Variants in LINGO2 observed in about 807,000 individuals in gnomAD.
LINGO2 encodes leucine-rich repeat and immunoglobulin-like domain-containing nogo receptor-interacting protein 2.
LINGO2 carries 14 observed loss-of-function variants against 30.6 expected under a neutral mutation model. That is an observed-to-expected ratio of 0.46 (90% CI 0.30 to 0.72). The LOEUF (loss-of-function observed/expected upper bound fraction) is 0.72, where lower values mean the gene tolerates loss of function less well. LINGO2 is among the 30% of genes least tolerant of loss of function. The pLI, the probability that LINGO2 is intolerant of heterozygous loss-of-function variation, is 0.07. For synonymous variants in LINGO2, 317 were observed against 288.5 expected, an observed-to-expected ratio of 1.10 and a Z score of -1.00; for missense variants, 729 against 751.7, an observed-to-expected ratio of 0.97 and a Z score of 0.35.
chr9:28,093,804 C>A (rs982304853), intron 4 of LINGO2, among the ~76,000 whole-genome samples: 2 of 151,990 alleles, frequency 1.3e-5, no homozygotes, highest in African/African-American at 4.8e-5. Flanking sequence ...TAACCACACT[C>A]CGGGAAGACC....
At chr9:28,032,981 T>G (rs138132166) in intron 4 of LINGO2, among the ~76,000 whole-genome samples, 21 of 152,350 alleles carry the variant, frequency 1.4e-4, no homozygotes, top group Non-Finnish European at 2.5e-4. Flanking sequence ...TCTGATAATT[T>G]ATCCATATGA....
At chr9:29,157,306 T>TACACATATAAACATATAAA in the LINGO2 span, among the ~76,000 whole-genome samples, 1 of 152,164 alleles carries the variant, frequency 6.6e-6, no homozygotes, top group South Asian at 2.1e-4. Context: ...TACGGTGTTC[T>TACACATATAAACATATAAA]ACACATATAA....
At chr9:29,068,470 A>C in the LINGO2 span, among the ~76,000 whole-genome samples, 1 of 151,968 alleles carries the variant, frequency 6.6e-6, no homozygotes, top group African/African-American at 2.4e-5. Flanking sequence ...ATTGGTACAG[A>C]AAGCTTTCAA....
At chr9:29,157,493 C>G in the LINGO2 span, among the ~76,000 whole-genome samples, 1 of 152,090 alleles carries the variant, frequency 6.6e-6, no homozygotes, top group East Asian at 1.9e-4. Flanking sequence ...CAAGAGTAAA[C>G]TGAAGACAGA....
At chr9:28,609,117 C>T (rs1170503582) in intron 1 of LINGO2, among the ~76,000 whole-genome samples, 1 of 146,854 alleles carries the variant, frequency 6.8e-6, no homozygotes, top group African/African-American at 2.5e-5. Flanking sequence ...CATCTAAAGA[C>T]AATATTTGAA....
At chr9:28,221,070 C>T (rs1043339489) in intron 4 of LINGO2, among the ~76,000 whole-genome samples, 4 of 151,998 alleles carry the variant, frequency 2.6e-5, no homozygotes, top group African/African-American at 7.2e-5. Flanking sequence ...GAGGCTGAGG[C>T]GGGTGGATCA....
intron 4 of LINGO2, among the ~76,000 whole-genome samples, chr9:28,265,267 G>A (rs911235270): frequency 1.3e-5 from 2 of 151,718 alleles, no homozygotes; most frequent in Non-Finnish European, 2.9e-5. Flanking sequence ...AGGATAAAAA[G>A]GCACATCACT....
chr9:29,159,977 A>G, the LINGO2 span, among the ~76,000 whole-genome samples: 4 of 152,200 alleles, frequency 2.6e-5, no homozygotes, highest in Non-Finnish European at 2.9e-5. Context: ...TGTTTCACTT[A>G]CAATTGTTTA....
chr9:29,102,700 T>C, the LINGO2 span, among the ~76,000 whole-genome samples: 1 of 152,198 alleles, frequency 6.6e-6, no homozygotes, highest in Admixed American at 6.5e-5. Flanking sequence ...AACATCACTT[T>C]ATAGTATTTG....
In LINGO2 at chr9:28,085,597, G is replaced by C. The variant is rs1891849; in HGVS notation, c.-86-73192C>G. Among the ~76,000 whole-genome samples the C allele has an allele frequency of 6.3e-3, 952 of 152,202 alleles. 7 individuals carry two copies. Among genetic ancestry groups the C allele is most frequent in the African/African-American group, 0.018 (756 of 41,538 alleles). On this transcript the variant is annotated intron_variant, in intron 4 of 5. Coordinates refer to ENST00000379992, the Ensembl canonical transcript of LINGO2. ...AATGGACTGCCTTATTGGAACCACT[G>C]CTGGCCATTCTCAGACCTCACTGGA... is the stretch of plus-strand genomic sequence containing the variant.
At chr9:28,884,819 T>C in the LINGO2 span, among the ~76,000 whole-genome samples, 1 of 143,114 alleles carries the variant, frequency 7.0e-6, no homozygotes, top group Non-Finnish European at 1.5e-5. Context: ...AGTATATATA[T>C]ATATTTCTTT....
At chr9:28,889,243 T>C in the LINGO2 span, among the ~76,000 whole-genome samples, 2 of 152,126 alleles carry the variant, frequency 1.3e-5, no homozygotes, top group Non-Finnish European at 2.9e-5. Context: ...TTAGTCCAGT[T>C]CACTTTCAAT....
intron 4 of LINGO2, among the ~76,000 whole-genome samples, chr9:28,093,041 A>C (rs1040162453): frequency 6.6e-6 from 1 of 152,052 alleles, no homozygotes; most frequent in Non-Finnish European, 1.5e-5. Flanking sequence ...CAGACTTAGC[A>C]AGTTGAACAG....
rs75116021 is a variant in LINGO2 at position 28,649,664 on chromosome 9, G to A, written c.-365+20536C>T. 9.2e-3 allele frequency among the ~76,000 whole-genome samples: 1,401 copies of A among 152,190 alleles called. 29 individuals carry two copies. Among genetic ancestry groups the A allele is most frequent in the East Asian group, 0.079 (409 of 5,170 alleles). ...GAGAATAGAAAGTAGTTAAGAAATT[G>A]TAAAAGCTTGGAAACACTGGACGGA... On this transcript the variant is annotated intron_variant, in intron 1 of 5. Transcript: ENST00000379992.
At chr9:29,186,146 T>A in the LINGO2 span, among the ~76,000 whole-genome samples, 1 of 152,172 alleles carries the variant, frequency 6.6e-6, no homozygotes, top group Non-Finnish European at 1.5e-5. Flanking sequence ...AACTGAACTA[T>A]ACAGACTTCA....
the LINGO2 span, among the ~76,000 whole-genome samples, chr9:29,021,806 T>C: frequency 6.6e-6 from 1 of 152,188 alleles, no homozygotes; most frequent in Non-Finnish European, 1.5e-5. Context: ...GTTGATATTT[T>C]GTTTGCCTTC....
At chr9:28,557,560 T>C (rs1822790688) in intron 1 of LINGO2, among the ~76,000 whole-genome samples, 1 of 151,972 alleles carries the variant, frequency 6.6e-6, no homozygotes, top group Non-Finnish European at 1.5e-5. Context: ...GACTGTAAAC[T>C]AGTTCAACCA....
chr9:28,532,771 C>G (rs541325679), intron 1 of LINGO2, among the ~76,000 whole-genome samples: 16 of 152,008 alleles, frequency 1.1e-4, no homozygotes, highest in Non-Finnish European at 1.8e-4. Flanking sequence ...GATTGGGGAC[C>G]AGGTGTCAAA....
chr9:28,462,896 G>A (rs1825140995), intron 2 of LINGO2, among the ~76,000 whole-genome samples: 1 of 152,172 alleles, frequency 6.6e-6, no homozygotes, highest in South Asian at 2.1e-4. Flanking sequence ...GGATTTCTAA[G>A]CCAACTTGGT....
Sources: allele counts gnomAD v4.1 joint callset (sites outside exome capture counted in the v4.1 genomes callset), GRCh38; gene constraint gnomAD v4.1.1; transcripts MANE v1.5; gene names NCBI Gene and HGNC (gene_info 2026-07-23, HGNC 2026-07-21).